Variants in MCC observed in about 807,000 individuals in gnomAD.
MCC encodes the protein colorectal mutant cancer protein.
In MCC, 90 loss-of-function variants were observed where a neutral mutation model predicts 116.2. The observed-to-expected ratio is 0.77, with a 90% CI of 0.65 to 0.92. The LOEUF (loss-of-function observed/expected upper bound fraction) is 0.92. Among genes scored for constraint, MCC ranks in the 40% least tolerant of loss-of-function variants. MCC has a pLI of 0.00. For missense variants in MCC, 1,516 were observed against 1,312.2 expected, an observed-to-expected ratio of 1.16 and a Z score of -2.40; for synonymous variants, 578 against 510.5, an observed-to-expected ratio of 1.13 and a Z score of -1.78.
At chr5:113,028,091 TAC>T (rs1750694591) in intron 18 of MCC, among the ~76,000 whole-genome samples, 1 of 152,228 alleles carries the variant, frequency 6.6e-6, no homozygotes, top group Admixed American at 6.5e-5. Context: ...CCATTCCATG[TAC>T]AGTCATTACC....
Position 113,053,908 on chromosome 5 carries a change from G to T in MCC, c.2265C>A (p.Asp755Glu). The stretch of plus-strand genomic sequence containing the variant: ...GGATATAATCCTTCAGCCTCTGCTC[G>T]TCTTCTTTAGTGAACTCGGTGTCGC... Reference protein sequence around the residue: ...SSCDTEFTKEDEQRLKDYIQQ... With the variant: ...SSCDTEFTKEEEQRLKDYIQQ... Residue 755 changes from aspartate (D) to glutamate (E), a missense_variant, in exon 15 of 19, where the codon GAC (aspartate) becomes GAA (glutamate). Physicochemically the swap from Asp to Glu is conservative, Grantham distance 45 (BLOSUM62 2). Transcript: ENST00000408903. The T allele has an allele frequency of 6.2e-7, 1 of 1,613,952 alleles. No individual in the cohort carries two copies. Among genetic ancestry groups the T allele is most frequent in the Non-Finnish European group, 8.5e-7 (1 of 1,179,918 alleles).
chr5:113,446,752 G>A (rs1399029907), intron 1 of MCC, among the ~76,000 whole-genome samples: 14 of 152,166 alleles, frequency 9.2e-5, no homozygotes, highest in Admixed American at 9.2e-4. Flanking sequence ...GCTAAACATA[G>A]TGTACTCACG....
chr5:113,368,680 C>G (rs1427586368), intron 2 of MCC, among the ~76,000 whole-genome samples: 7 of 151,858 alleles, frequency 4.6e-5, no homozygotes, highest in Non-Finnish European at 1.0e-4. Flanking sequence ...TTTCTGTGAC[C>G]AAATATGTGG....
chr5:113,182,528 G>C (rs930501023), intron 3 of MCC, among the ~76,000 whole-genome samples: 1 of 152,042 alleles, frequency 6.6e-6, no homozygotes, highest in Admixed American at 6.5e-5. Context: ...CCTGGGAGGC[G>C]GAGGTTGCAC....
chr5:113,332,550 TGAGAA>T (rs1561527023), intron 3 of MCC, among the ~76,000 whole-genome samples: 1 of 110,866 alleles, frequency 9.0e-6, no homozygotes, highest in Non-Finnish European at 1.7e-5. Context: ...GGTGACAGAA[TGAGAA>T]CCTGTCTCCA....
intron 11 of MCC, among the ~76,000 whole-genome samples, chr5:113,076,486 A>G (rs1028123666): frequency 2.0e-5 from 3 of 152,234 alleles, no homozygotes; most frequent in Admixed American, 2.0e-4. Flanking sequence ...AAAAGCCAGA[A>G]GAGAGTGGGG....
chr5:113,482,811 A>G (rs1772413888), intron 1 of MCC, among the ~76,000 whole-genome samples: 1 of 152,184 alleles, frequency 6.6e-6, no homozygotes. Context: ...TGTCACATAT[A>G]AGAATCCATT....
intron 12 of MCC, among the ~76,000 whole-genome samples, chr5:113,069,470 T>C (rs1753872054): frequency 6.6e-6 from 1 of 152,276 alleles, no homozygotes; most frequent in African/African-American, 2.4e-5. Flanking sequence ...ATGCCTGCAG[T>C]AGGAACATTT....
intron 1 of MCC, among the ~76,000 whole-genome samples, chr5:113,410,112 C>T (rs953070962): frequency 2.6e-5 from 4 of 152,150 alleles, no homozygotes; most frequent in South Asian, 4.1e-4. Context: ...CTTCCCCCAA[C>T]GGGATCTTGC....
chr5:113,050,196 G>A (rs1444988629), intron 15 of MCC, among the ~76,000 whole-genome samples: 1 of 152,206 alleles, frequency 6.6e-6, no homozygotes, highest in East Asian at 1.9e-4. Context: ...GGTAAGCTGT[G>A]GAGCCACAGA....
At position 113,345,806 on chromosome 5, in the gene MCC, T is replaced by G. The variant is rs548274815; in HGVS notation, c.416-5076A>C. Among the ~76,000 whole-genome samples the G allele has an allele frequency of 2.0e-5, 3 of 152,272 alleles. No homozygotes were observed. The South Asian group carries it at 6.2e-4, about 32-fold the overall frequency. ...GTGAAGACTACAATAAATACCTAAC[T>G]CTTCAATGCCCAGACACTGAATAAC... On this transcript the variant is annotated intron_variant, in intron 2 of 18. Coordinates refer to ENST00000408903, the MANE Select transcript of MCC (RefSeq NM_001085377.2).
chr5:113,478,845 T>A (rs533364610), intron 1 of MCC, among the ~76,000 whole-genome samples: 36 of 152,320 alleles, frequency 2.4e-4, no homozygotes, highest in African/African-American at 8.2e-4. Context: ...CTTCTCACAC[T>A]ATTTGTCAGG....
rs57962617 is a variant in MCC at position 113,161,620 on chromosome 5, A to ATGTG, written c.628-10202_628-10199dup. Among the ~76,000 whole-genome samples the ATGTG allele has an allele frequency of 2.9e-3, 423 of 148,412 alleles. 3 individuals are homozygous for ATGTG. The highest frequency in any genetic ancestry group is 7.6e-3 in the South Asian group (35 of 4,590). On this transcript the variant is annotated intron_variant, in intron 3 of 18. Transcript: ENST00000408903. ...GGAAAGCAAATGGAGGTTTAGATTT[A>ATGTG]TGTGTGTGTGTGTGTGTGTGTGTGT...
intron 3 of MCC, among the ~76,000 whole-genome samples, chr5:113,195,728 T>G (rs530779960): frequency 6.6e-6 from 1 of 152,326 alleles, no homozygotes; most frequent in Admixed American, 6.5e-5. Context: ...TTGCTAACAG[T>G]TGAAGATATT....
chr5:113,437,431 A>G (rs1471096924), intron 1 of MCC, among the ~76,000 whole-genome samples: 1 of 152,192 alleles, frequency 6.6e-6, no homozygotes, highest in African/African-American at 2.4e-5. Flanking sequence ...GTTATGTTCT[A>G]TGTCTTCCAA....
At chr5:113,430,373 T>C (rs1770598088) in intron 1 of MCC, among the ~76,000 whole-genome samples, 1 of 152,206 alleles carries the variant, frequency 6.6e-6, no homozygotes, top group South Asian at 2.1e-4. Flanking sequence ...TGGCCTCCCT[T>C]AGTTATTTTA....
chr5:113,336,635 C>G (rs1410500604), intron 3 of MCC, among the ~76,000 whole-genome samples: 1 of 152,216 alleles, frequency 6.6e-6, no homozygotes, highest in Admixed American at 6.5e-5. Context: ...CAGCACTAGA[C>G]ACAGAACCAA....
At chr5:113,433,623 T>C (rs990372248) in intron 1 of MCC, 2 of 1,313,920 alleles carry the variant, frequency 1.5e-6, no homozygotes, top group Admixed American at 5.5e-5. Flanking sequence ...AAGAAGCTGA[T>C]GAAAATAGAG....
At chr5:113,124,365 T>C (rs78140228) in intron 5 of MCC, among the ~76,000 whole-genome samples, 9,221 of 152,278 alleles carry the variant, frequency 0.061, 349 homozygotes, top group East Asian at 0.11. Flanking sequence ...CACTTAAAAT[T>C]CTGATTTTAG....
Sources: gnomAD v4.1 joint callset for allele counts (sites outside exome capture counted in the v4.1 genomes callset) on GRCh38, gnomAD v4.1.1 for gene constraint, MANE v1.5 for transcripts, NCBI Gene and HGNC (gene_info 2026-07-23, HGNC 2026-07-21) for gene names.